The following SMYD3 variants were observed in gnomAD, a reference collection of about 807,000 sequenced individuals.
The protein encoded by SMYD3 is histone-lysine N-methyltransferase SMYD3.
Under a neutral mutation model 57.7 loss-of-function variants are expected in SMYD3, and 36 were observed. That is an observed-to-expected ratio of 0.62 (90% CI 0.48 to 0.82). The LOEUF (loss-of-function observed/expected upper bound fraction) is 0.82, where lower values mean the gene tolerates loss of function less well. SMYD3 is among the 40% of genes least tolerant of loss of function. The probability of loss-of-function intolerance (pLI) is 0.00; values close to 1 mark genes in which losing one functional copy is unlikely to be tolerated. For missense variants in SMYD3, 515 were observed against 538.8 expected (o/e 0.96, Z 0.44); for synonymous variants, 211 against 195.0 (o/e 1.08, Z -0.68).
intron 5 of SMYD3, among the ~76,000 whole-genome samples, chr1:245,999,883 G>C (rs1036384719): frequency 1.3e-5 from 2 of 152,174 alleles, no homozygotes; most frequent in African/African-American, 4.8e-5. Context: ...GACTTACTTT[G>C]CTTACTTCTT....
intron 5 of SMYD3, among the ~76,000 whole-genome samples, chr1:246,187,297 A>G (rs1201628256): frequency 6.6e-6 from 1 of 152,022 alleles, no homozygotes; most frequent in Non-Finnish European, 1.5e-5. Context: ...CAAAAAAAAA[A>G]AAAAGAAAAG....
chr1:246,067,010 G>A (rs12118406), intron 5 of SMYD3, among the ~76,000 whole-genome samples: 25,624 of 152,084 alleles, frequency 0.17, 2,669 homozygotes, highest in East Asian at 0.39. Context: ...TCTTTGAAGC[G>A]GTAAACTTTT....
At chr1:245,780,265 G>C (rs1212484301) in intron 10 of SMYD3, among the ~76,000 whole-genome samples, 2 of 152,098 alleles carry the variant, frequency 1.3e-5, no homozygotes, top group African/African-American at 4.8e-5. Context: ...CCCAGAAATG[G>C]AAACAATCCA....
chr1:245,983,484 G>A (rs1000128888), intron 5 of SMYD3, among the ~76,000 whole-genome samples: 2 of 152,144 alleles, frequency 1.3e-5, no homozygotes, highest in Admixed American at 1.3e-4. Context: ...TGGGACCCAC[G>A]ACCAGATGCC....
chr1:246,296,518 A>C (rs977895562), intron 5 of SMYD3, among the ~76,000 whole-genome samples: 1 of 152,142 alleles, frequency 6.6e-6, no homozygotes, highest in African/African-American at 2.4e-5. Flanking sequence ...TATAAATAAC[A>C]TTATATACTT....
At chr1:246,098,961 T>C (rs2060962621) in intron 5 of SMYD3, among the ~76,000 whole-genome samples, 1 of 152,218 alleles carries the variant, frequency 6.6e-6, no homozygotes, top group Admixed American at 6.5e-5. Flanking sequence ...GTAGAATTTT[T>C]GGTCATAAAA....
At chr1:246,349,724 G>A (rs905802099) in intron 2 of SMYD3, among the ~76,000 whole-genome samples, 30 of 152,112 alleles carry the variant, frequency 2.0e-4, no homozygotes, top group African/African-American at 7.0e-4. Context: ...TGGATTCGTC[G>A]TAAATGTATA....
chr1:245,841,745 G>A (rs1435874129), intron 10 of SMYD3, among the ~76,000 whole-genome samples: 2 of 152,148 alleles, frequency 1.3e-5, no homozygotes, highest in Non-Finnish European at 2.9e-5. Context: ...TATAGGAATT[G>A]TTCAAATGAT....
At chr1:246,456,062 T>C (rs1275438899) in intron 1 of SMYD3, among the ~76,000 whole-genome samples, 1 of 152,180 alleles carries the variant, frequency 6.6e-6, no homozygotes, top group African/African-American at 2.4e-5. Flanking sequence ...GTAGGAATTA[T>C]GTTTGCAGGT....
At chr1:246,465,453 T>C (rs1300582525) in intron 1 of SMYD3, among the ~76,000 whole-genome samples, 4 of 152,228 alleles carry the variant, frequency 2.6e-5, no homozygotes, top group Non-Finnish European at 5.9e-5. Flanking sequence ...ACACCACTAA[T>C]AACTCCTCGA....
At chr1:246,310,507 C>T (rs1446644408) in intron 5 of SMYD3, among the ~76,000 whole-genome samples, 1 of 152,084 alleles carries the variant, frequency 6.6e-6, no homozygotes, top group Non-Finnish European at 1.5e-5. Flanking sequence ...CATTCCTGTC[C>T]TAATGGACAT....
At chr1:246,121,249 C>T (rs1423085546) in intron 5 of SMYD3, among the ~76,000 whole-genome samples, 3 of 151,708 alleles carry the variant, frequency 2.0e-5, no homozygotes, top group African/African-American at 7.3e-5. Flanking sequence ...TTTAAGCCAC[C>T]CAGTAAATGT....
chr1:246,391,377 TGAGAGAGAGAGAGAGAAAGAGAGA>T (rs1218658052), intron 1 of SMYD3, among the ~76,000 whole-genome samples: 8 of 117,374 alleles, frequency 6.8e-5, no homozygotes, highest in Non-Finnish European at 1.2e-4. Context: ...GAGACCTTAT[TGAGAGAGAGAGAGAGAAAGAGAGA>T]GAGAGAAAGA....
chr1:246,138,487 G>A (rs1047570065), intron 5 of SMYD3, among the ~76,000 whole-genome samples: 4 of 130,862 alleles, frequency 3.1e-5, no homozygotes, highest in South Asian at 2.4e-4. Context: ...GTGCAGTGGC[G>A]CGATCTCAGC....
chr1:246,481,517 T>G (rs1054769364), intron 1 of SMYD3, among the ~76,000 whole-genome samples: 2 of 147,700 alleles, frequency 1.4e-5, no homozygotes, highest in African/African-American at 2.5e-5. Flanking sequence ...TCAATCCTCC[T>G]GGTTCTCAGG....
chr1:246,357,842 C>G (rs1423505353), intron 1 of SMYD3, among the ~76,000 whole-genome samples: 2 of 152,146 alleles, frequency 1.3e-5, no homozygotes, highest in African/African-American at 4.8e-5. Context: ...CCTCGAAATA[C>G]ACCAAAATAG....
chr1:246,289,571 A>G (rs2064644053), intron 5 of SMYD3, among the ~76,000 whole-genome samples: 1 of 149,728 alleles, frequency 6.7e-6, no homozygotes, highest in Non-Finnish European at 1.5e-5. Context: ...CAAAAAATTT[A>G]CTTTGATAGT....
intron 5 of SMYD3, among the ~76,000 whole-genome samples, chr1:246,084,094 A>T (rs905016762): frequency 6.6e-6 from 1 of 151,834 alleles, no homozygotes; most frequent in African/African-American, 2.4e-5. Flanking sequence ...TAACTTGCAG[A>T]TTTTTGTCCA....
At chr1:246,392,994 G>A (rs2066597433) in intron 1 of SMYD3, among the ~76,000 whole-genome samples, 1 of 152,080 alleles carries the variant, frequency 6.6e-6, no homozygotes, top group Non-Finnish European at 1.5e-5. Flanking sequence ...TACAGGTGTT[G>A]ACAAAAATGA....
Sources: gnomAD v4.1 joint callset for allele counts (sites outside exome capture counted in the v4.1 genomes callset) on GRCh38, gnomAD v4.1.1 for gene constraint, MANE v1.5 for transcripts, NCBI Gene and HGNC (gene_info 2026-07-23, HGNC 2026-07-21) for gene names.